FAM149A: variants seen among roughly 807,000 people sequenced by gnomAD.
FAM149A encodes the protein protein FAM149A.
In FAM149A, 71 loss-of-function variants were observed where a neutral mutation model predicts 78.2. The observed-to-expected ratio is 0.91, with a 90% CI of 0.75 to 1.11. The LOEUF is 1.11. Ranked by LOEUF, FAM149A falls within the 50% of genes least tolerant of loss-of-function variation. The pLI is 0.00. For missense variants in FAM149A, 1,036 were observed against 971.0 expected (o/e 1.07, Z -0.89); for synonymous variants, 446 against 410.5 (o/e 1.09, Z -1.04).
chr4:186,141,146 T>C (rs1353951184), intron 1 of FAM149A, among the ~76,000 whole-genome samples: 1 of 152,254 alleles, frequency 6.6e-6, no homozygotes, highest in Non-Finnish European at 1.5e-5. Context: ...ATGTCTTCTT[T>C]TGAAAAGTGT....
At chr4:186,107,196 C>G (rs2099309138) in intron 1 of FAM149A, among the ~76,000 whole-genome samples, 1 of 152,200 alleles carries the variant, frequency 6.6e-6, no homozygotes, top group Non-Finnish European at 1.5e-5. Context: ...ACCTTAAACT[C>G]TAGTCTTAGT....
At chr4:186,123,361 A>G in intron 1 of FAM149A, 1 of 985,336 alleles carries the variant, frequency 1.0e-6, no homozygotes, top group Middle Eastern at 5.2e-4. Context: ...AGATGGGTGA[A>G]TTTTCGTCTC....
At chr4:186,122,859 G>C (rs879282277) in intron 1 of FAM149A, 2 of 496,628 alleles carry the variant, frequency 4.0e-6, no homozygotes, top group Non-Finnish European at 5.2e-6. Flanking sequence ...AGACTAAGTG[G>C]TTCCTTAACA....
intron 4 of FAM149A, 179 bp from the exon 5 acceptor site, chr4:186,153,466 A>G: frequency 2.0e-6 from 2 of 985,310 alleles, no homozygotes; most frequent in Non-Finnish European, 2.4e-6. Flanking sequence ...AGTCAGTGGA[A>G]GAACAGTCTG....
chr4:186,158,825 G>A lies in FAM149A; in HGVS notation c.1575+1106G>A, dbSNP rs77309711. The A allele has an allele frequency of 7.1e-4, 712 of 1,002,854 alleles. 6 individuals carry two copies. The African/African-American group carries it at 0.012, about 17-fold the overall frequency. The allele number at this position is 1,002,854 out of a possible 1,614,324, so 62.1% of individuals were successfully genotyped here. A position where few individuals can be genotyped will look rare whatever the true frequency, so the allele number is the denominator to read the frequency against. ...AATGCTCAGGCCCCTGAATGAGGAG[G>A]ATCAACCACTGAGCGGTCTCAAGCT... On this transcript the variant is annotated intron_variant, in intron 8 of 13. Transcript: ENST00000389354.
chr4:186,137,978 T>C (rs773140145), intron 1 of FAM149A, among the ~76,000 whole-genome samples: 50 of 152,310 alleles, frequency 3.3e-4, no homozygotes, highest in Non-Finnish European at 5.7e-4. Context: ...ATTGTTTTAT[T>C]AGTCTTCTAT....
rs2126534725 is a variant in FAM149A at position 186,164,723 on chromosome 4, A to G, written c.1890-621A>G. ...TACCTGGGCCCCCTGTCACACCTTC[A>G]TCAAATAGAAACCCATTTATGTTTC... On this transcript the variant is annotated intron_variant, in intron 10 of 13. Coordinates refer to ENST00000389354, the MANE Select transcript of FAM149A (RefSeq NM_001367768.3). The surrounding 1 kb of genome is among the most constrained non-coding windows in gnomAD (Gnocchi z 4.0). 1.3e-5 allele frequency among the ~76,000 whole-genome samples: 2 copies of G among 152,190 alleles called. No individual in the cohort carries two copies. The highest frequency in any genetic ancestry group is 4.8e-5 in the African/African-American group (2 of 41,524).
At chr4:186,107,014 A>G (rs2099309042) in intron 1 of FAM149A, among the ~76,000 whole-genome samples, 3 of 152,222 alleles carry the variant, frequency 2.0e-5, no homozygotes, top group Admixed American at 2.0e-4. Context: ...ACTCATTAAA[A>G]AATACTATAT....
At position 186,105,563 on chromosome 4, in the gene FAM149A, G is replaced by A. The variant is rs948051700; in HGVS notation, c.487G>A (p.Gly163Ser). ...CGGCGCCTGCGTGGCCCCCGGGGCT[G>A]GCCCCAGAACCCTGTTCCTTACGCT... The change falls in exon 1 of 14, where the codon GGC becomes AGC. Residue 163 changes from glycine to serine, a missense_variant. Coordinates refer to ENST00000389354, the MANE Select transcript of FAM149A (RefSeq NM_001367768.3). 2.7e-6 allele frequency: 3 copies of A among 1,129,992 alleles called. No homozygotes were observed. The highest frequency in any genetic ancestry group is 1.7e-5 in the African/African-American group (1 of 58,146). 70.0% of individuals were successfully genotyped at this position (1,129,992 alleles called of 1,614,324 possible).
intron 1 of FAM149A, among the ~76,000 whole-genome samples, chr4:186,141,759 C>T (rs1388155685): frequency 1.3e-5 from 2 of 151,962 alleles, no homozygotes. Context: ...TTTGGCTTAA[C>T]AAGACGTCAG....
chr4:186,121,702 G>A (rs992670306), intron 1 of FAM149A, among the ~76,000 whole-genome samples: 3 of 152,158 alleles, frequency 2.0e-5, no homozygotes, highest in African/African-American at 7.2e-5. Flanking sequence ...CCCACCTAAC[G>A]TGGGACTGAA....
chr4:186,157,626 TC>T lies in FAM149A; in HGVS notation c.1484del (p.Pro495HisfsTer27), dbSNP rs1734154133. On this transcript the variant is annotated frameshift_variant, in exon 8 of 14. Coordinates refer to ENST00000389354, the MANE Select transcript of FAM149A (RefSeq NM_001367768.3). LOFTEE classifies it high-confidence loss of function. ...GAAACAGATTTCCGCACGTCCTCGT[TC>T]CACACGCTCACGCCGATGGAGCCAG... is the stretch of plus-strand genomic sequence containing the variant. The T allele has an allele frequency of 6.2e-7, 1 of 1,614,186 alleles. No homozygotes were observed. Among genetic ancestry groups the T allele is most frequent in the South Asian group, 1.1e-5 (1 of 91,088 alleles).
chr4:186,130,150 A>G (rs1196395168), intron 1 of FAM149A: 2 of 151,964 alleles, frequency 1.3e-5, no homozygotes, highest in African/African-American at 4.8e-5. Context: ...ATGGAAGAGT[A>G]TAGGAAATAC....
intron 8 of FAM149A, chr4:186,158,100 G>T: frequency 4.5e-6 from 6 of 1,331,864 alleles, no homozygotes; most frequent in Non-Finnish European, 5.9e-6. Context: ...CATTGTTGCT[G>T]TTGAACCCTG....
chr4:186,149,288 G>T lies in FAM149A; in HGVS notation c.677+5G>T. On this transcript the variant is annotated splice_donor_5th_base_variant and intron_variant, in intron 2 of 13. Transcript: ENST00000389354. ...AGCCATTGATAAATATACCTGGTAA[G>T]AATTCACCTTGCTTCAGATTACAAA... 7.8e-7 allele frequency: 1 copy of T among 1,282,136 alleles called. No individual in the cohort carries two copies. Among genetic ancestry groups the T allele is most frequent in the Non-Finnish European group, 1.0e-6 (1 of 986,958 alleles). 79.4% of individuals were successfully genotyped at this position (1,282,136 alleles called of 1,614,324 possible).
intron 1 of FAM149A, chr4:186,117,567 G>A: frequency 1.0e-6 from 1 of 985,446 alleles, no homozygotes; most frequent in Non-Finnish European, 1.2e-6. Flanking sequence ...GGCACTGTCG[G>A]AGACCAAAGC....
rs1733054878 is a variant in FAM149A, at chr4:186,146,575, T to C, written c.567-2598T>C. The C allele has an allele frequency of 7.5e-6, 7 of 933,914 alleles. No individual in the cohort carries two copies. The South Asian group carries it at 3.0e-4, about 39-fold the overall frequency. 57.9% of individuals were successfully genotyped at this position (933,914 alleles called of 1,614,324 possible). On this transcript the variant is annotated intron_variant, in intron 1 of 13. Transcript: ENST00000389354. ...ATTTCCTAGAGGAATAAATTATTCA[T>C]TGAAACAAACTCGCATGCGTCCCAT...
chr4:186,149,324 G>T (rs1733289025), intron 2 of FAM149A, 41 bp downstream of exon 2: 6 of 1,269,440 alleles, frequency 4.7e-6, no homozygotes, highest in Non-Finnish European at 6.1e-6. Context: ...ATCACAAAAT[G>T]CCCGTAACAA....
chr4:186,145,788 C>G (rs1732988187), intron 1 of FAM149A, among the ~76,000 whole-genome samples: 1 of 152,198 alleles, frequency 6.6e-6, no homozygotes, highest in East Asian at 1.9e-4. Flanking sequence ...TGTTTAGAAG[C>G]TTCATGGACA....
Sources: gnomAD v4.1 joint callset for allele counts (sites outside exome capture counted in the v4.1 genomes callset) on GRCh38, gnomAD v4.1.1 for gene constraint, Gnocchi (gnomAD v3.1) non-coding constraint, MANE v1.5 for transcripts, NCBI Gene and HGNC (gene_info 2026-07-23, HGNC 2026-07-21) for gene names.